The following MBOAT1 variants were observed in gnomAD, a reference collection of about 807,000 sequenced individuals.
MBOAT1 encodes the protein membrane-bound glycerophospholipid O-acyltransferase 1.
A neutral mutation model predicts 64.4 loss-of-function variants in MBOAT1; 67 were observed. The ratio of observed to expected loss-of-function variants is 1.04; its 90% CI spans 0.85 to 1.27. The LOEUF (loss-of-function observed/expected upper bound fraction) is 1.27. MBOAT1 is among the 50% of genes most tolerant of loss of function. The pLI is 0.00. For missense variants in MBOAT1, 563 were observed against 604.6 expected (o/e 0.93, Z 0.72); for synonymous variants, 229 against 218.9 (o/e 1.05, Z -0.41).
At chr6:20,157,070 A>C (rs1317519512) in intron 1 of MBOAT1, among the ~76,000 whole-genome samples, 1 of 152,076 alleles carries the variant, frequency 6.6e-6, no homozygotes, top group East Asian at 1.9e-4. Flanking sequence ...ACTGCTTGAC[A>C]CCAGGAGTTT....
At chr6:20,166,875 G>A (rs943843347) in intron 1 of MBOAT1, among the ~76,000 whole-genome samples, 1 of 151,856 alleles carries the variant, frequency 6.6e-6, no homozygotes. Context: ...GCAGATCAAG[G>A]CTGCAGTGAG....
intron 2 of MBOAT1, 78 bp downstream of exon 2, chr6:20,152,546 G>C (rs531730627): frequency 7.1e-7 from 1 of 1,415,158 alleles, no homozygotes; most frequent in African/African-American, 1.5e-5. Context: ...ATCTATTTCT[G>C]GCTTTAGTGC....
chr6:20,112,813 G>C lies in MBOAT1; in HGVS notation c.1209+63C>G. 3.9e-6 allele frequency: 6 copies of C among 1,558,194 alleles called. No homozygotes were observed. The South Asian group carries it at 7.4e-5, about 19-fold the overall frequency. ...CCCCAACCCCTACTAGGACCCAACA[G>C]ATAACAAACATGCAGGCATCAGATT... On this transcript the variant is annotated intron_variant, in intron 11 of 12. Coordinates refer to ENST00000324607, the MANE Select transcript of MBOAT1 (RefSeq NM_001080480.3).
chr6:20,195,991 T>C (rs1001317645), intron 1 of MBOAT1, among the ~76,000 whole-genome samples: 4 of 152,100 alleles, frequency 2.6e-5, no homozygotes, highest in Non-Finnish European at 5.9e-5. Flanking sequence ...TCCTAAATTC[T>C]GAAGGGAGAC....
At chr6:20,191,429 C>T (rs190085844) in intron 1 of MBOAT1, among the ~76,000 whole-genome samples, 22 of 152,346 alleles carry the variant, frequency 1.4e-4, no homozygotes, top group East Asian at 3.9e-4. Flanking sequence ...TAACATCCCC[C>T]GCTTCCTCCA....
intron 12 of MBOAT1, among the ~76,000 whole-genome samples, chr6:20,105,276 T>TAGTA (rs1167287698): frequency 1.3e-5 from 2 of 152,248 alleles, no homozygotes; most frequent in Admixed American, 6.5e-5. Flanking sequence ...GGAAAACACC[T>TAGTA]AGTAAGGTTT....
chr6:20,196,610 C>G (rs976535131), intron 1 of MBOAT1, among the ~76,000 whole-genome samples: 20 of 152,134 alleles, frequency 1.3e-4, no homozygotes, highest in African/African-American at 4.6e-4. Context: ...CCTGTAATCC[C>G]AGCAATTTGG....
At chr6:20,152,357 AT>A (rs1169123369) in intron 2 of MBOAT1, among the ~76,000 whole-genome samples, 1,529 of 144,898 alleles carry the variant, frequency 0.011, 12 homozygotes, top group East Asian at 0.035. Context: ...AAATAAATAA[AT>A]AAATAAATTA....
chr6:20,106,228 CTGTT>C (rs564804086), intron 12 of MBOAT1, among the ~76,000 whole-genome samples: 6 of 152,164 alleles, frequency 3.9e-5, no homozygotes, highest in Non-Finnish European at 7.3e-5. Context: ...TATGAAAACA[CTGTT>C]TGAGGTGTAA....
In MBOAT1 at chr6:20,139,747, G is replaced by A. The variant is rs150909101; in HGVS notation, c.419+4473C>T. Among the ~76,000 whole-genome samples, 198 of 150,940 alleles carry A rather than the reference G, an allele frequency of 1.3e-3. 1 individual carries two copies. The highest frequency in any genetic ancestry group is 4.3e-3 in the African/African-American group (177 of 41,140). On this transcript the variant is annotated intron_variant, in intron 4 of 12. Coordinates refer to ENST00000324607, the MANE Select transcript of MBOAT1 (RefSeq NM_001080480.3). ...TTTTAAATTTTTTTGTAAAGATGGG[G>A]TCTCACTATGTTGCCCAGGCTGGTC... is the stretch of plus-strand genomic sequence containing the variant.
At chr6:20,104,919 C>A (rs1432571402) in intron 12 of MBOAT1, among the ~76,000 whole-genome samples, 1 of 152,254 alleles carries the variant, frequency 6.6e-6, no homozygotes, top group Non-Finnish European at 1.5e-5. Context: ...GCATCAGCCT[C>A]CACCCCTTCC....
At chr6:20,133,574 A>G (rs1016037179) in intron 4 of MBOAT1, among the ~76,000 whole-genome samples, 1 of 152,140 alleles carries the variant, frequency 6.6e-6, no homozygotes, top group Non-Finnish European at 1.5e-5. Context: ...TTTCTGAATG[A>G]CAAAAAAAAC....
At chr6:20,106,557 G>A (rs2113624236) in intron 12 of MBOAT1, among the ~76,000 whole-genome samples, 1 of 152,164 alleles carries the variant, frequency 6.6e-6, no homozygotes, top group African/African-American at 2.4e-5. Context: ...TGAGTAGCTG[G>A]GACTACAGGC....
chr6:20,162,702 A>C (rs1238263886), intron 1 of MBOAT1, among the ~76,000 whole-genome samples: 1 of 152,214 alleles, frequency 6.6e-6, no homozygotes, highest in Admixed American at 6.5e-5. Context: ...CCTCAGCTGT[A>C]GGGCAGCTCC....
At chr6:20,152,502 A>G in intron 2 of MBOAT1, 122 bp downstream of exon 2, 1 of 1,000,172 alleles carries the variant, frequency 1.0e-6, no homozygotes, top group Non-Finnish European at 1.4e-6. Context: ...GGTATTTACA[A>G]TATAAAATTT....
In MBOAT1 at chr6:20,100,335, G is replaced by A. The variant is rs1395485138; in HGVS notation, c.*1951C>T. 3.3e-5 allele frequency among the ~76,000 whole-genome samples: 5 copies of A among 151,866 alleles called. No individual in the cohort carries two copies. The highest frequency in any genetic ancestry group is 5.9e-5 in the Non-Finnish European group (4 of 67,984). On this transcript the variant is annotated 3_prime_UTR_variant, in exon 13 of 13. Coordinates refer to ENST00000324607, the MANE Select transcript of MBOAT1 (RefSeq NM_001080480.3). ...CAAGATGTACATTTTTCTTGGTCTC[G>A]TACCTCAAACTATTCTTGGTGGAGA...
chr6:20,193,196 C>G (rs547587199), intron 1 of MBOAT1, among the ~76,000 whole-genome samples: 2 of 150,290 alleles, frequency 1.3e-5, no homozygotes, highest in Non-Finnish European at 3.0e-5. Flanking sequence ...TTAGTAGAGA[C>G]GGGGTTTCAC....
chr6:20,165,899 T>C (rs912421190), intron 1 of MBOAT1, among the ~76,000 whole-genome samples: 4 of 151,980 alleles, frequency 2.6e-5, no homozygotes, highest in Non-Finnish European at 5.9e-5. Context: ...ACAAATGAAG[T>C]CCATTAAAAG....
intron 3 of MBOAT1, among the ~76,000 whole-genome samples, chr6:20,147,466 C>G (rs1761360136): frequency 6.6e-6 from 1 of 152,150 alleles, no homozygotes; most frequent in Admixed American, 6.5e-5. Flanking sequence ...ATGGAGAAAC[C>G]CTGTCTCTAC....
Sources: gnomAD v4.1 joint callset for allele counts (sites outside exome capture counted in the v4.1 genomes callset) on GRCh38, gnomAD v4.1.1 for gene constraint, MANE v1.5 for transcripts, NCBI Gene and HGNC (gene_info 2026-07-23, HGNC 2026-07-21) for gene names.